ATP2B2: variants seen among roughly 807,000 people sequenced by gnomAD.
ATP2B2 encodes plasma membrane calcium-transporting ATPase 2.
In ATP2B2, 15 loss-of-function variants were observed where a neutral mutation model predicts 120.0. That is an observed-to-expected ratio of 0.12 (90% confidence interval 0.08 to 0.19). ATP2B2 has a LOEUF of 0.19. Among genes scored for constraint, ATP2B2 ranks in the 10% least tolerant of loss-of-function variants. ATP2B2 has a pLI of 1.00. For missense variants in ATP2B2, 1,045 were observed against 1,719.8 expected (o/e 0.61, Z 6.94); for synonymous variants, 694 against 700.3 (o/e 0.99, Z 0.14).
intron 2 of ATP2B2, among the ~76,000 whole-genome samples, chr3:10,425,412 T>C (rs2063117145): frequency 6.6e-6 from 1 of 152,200 alleles, no homozygotes; most frequent in Non-Finnish European, 1.5e-5. Context: ...TGTTTCCATA[T>C]AACCTTTGGA....
At chr3:10,493,944 A>G (rs1466677383) in intron 1 of ATP2B2, among the ~76,000 whole-genome samples, 2 of 152,242 alleles carry the variant, frequency 1.3e-5, no homozygotes, top group African/African-American at 4.8e-5. Context: ...TTCATATCAC[A>G]TGGCCACATT....
At chr3:10,697,980 C>T (rs1453534179) in intron 1 of ATP2B2, among the ~76,000 whole-genome samples, 3 of 152,202 alleles carry the variant, frequency 2.0e-5, no homozygotes, top group Non-Finnish European at 4.4e-5. Context: ...GCAGGAGAGT[C>T]AGCGTACAGT....
At chr3:10,581,296 G>C (rs976620463) in intron 2 of ATP2B2, among the ~76,000 whole-genome samples, 5 of 152,240 alleles carry the variant, frequency 3.3e-5, no homozygotes, top group Admixed American at 6.5e-5. Flanking sequence ...AATGGGGCCA[G>C]AGGAGCCCCA....
chr3:10,560,471 C>T (rs1251829422), intron 2 of ATP2B2, among the ~76,000 whole-genome samples: 3 of 132,304 alleles, frequency 2.3e-5, no homozygotes, highest in African/African-American at 8.8e-5. Flanking sequence ...ACTTCAAATG[C>T]CCCATAGCCC....
chr3:10,525,163 G>T (rs1026218252), intron 3 of ATP2B2, among the ~76,000 whole-genome samples: 1 of 152,166 alleles, frequency 6.6e-6, no homozygotes, highest in Admixed American at 6.5e-5. Flanking sequence ...TCCTGCAGAG[G>T]TGAGTCTGCT....
intron 1 of ATP2B2, among the ~76,000 whole-genome samples, chr3:10,471,507 G>A (rs188662170): frequency 6.6e-6 from 1 of 152,054 alleles, no homozygotes; most frequent in African/African-American, 2.4e-5. Flanking sequence ...ACGGGAGGAG[G>A]GGAAAGAGAA....
intron 2 of ATP2B2, among the ~76,000 whole-genome samples, chr3:10,534,354 G>A (rs1009582369): frequency 6.6e-6 from 1 of 152,240 alleles, no homozygotes; most frequent in Non-Finnish European, 1.5e-5. Context: ...AGGAGTGCAA[G>A]TCCACCTGCT....
chr3:10,561,075 A>G (rs2067893729), intron 2 of ATP2B2, among the ~76,000 whole-genome samples: 1 of 152,208 alleles, frequency 6.6e-6, no homozygotes, highest in Admixed American at 6.5e-5. Flanking sequence ...TTGTGCTCAC[A>G]TAGGGTTCTG....
At chr3:10,336,581 G>A (rs2060124119) in intron 22 of ATP2B2, among the ~76,000 whole-genome samples, 1 of 152,172 alleles carries the variant, frequency 6.6e-6, no homozygotes, top group African/African-American at 2.4e-5. Context: ...GGGGGAGGCA[G>A]TGATTAAACA....
At chr3:10,701,428 C>T (rs1313483037) in intron 1 of ATP2B2, among the ~76,000 whole-genome samples, 1 of 152,188 alleles carries the variant, frequency 6.6e-6, no homozygotes, top group Non-Finnish European at 1.5e-5. Context: ...TGACAGCCTA[C>T]CATGAGTTTC....
At chr3:10,591,508 T>A (rs969031694) in intron 2 of ATP2B2, among the ~76,000 whole-genome samples, 2 of 152,200 alleles carry the variant, frequency 1.3e-5, no homozygotes, top group African/African-American at 2.4e-5. Flanking sequence ...AAATCACCCC[T>A]CATGCTCCTC....
chr3:10,584,149 C>A (rs1301542047), intron 2 of ATP2B2, among the ~76,000 whole-genome samples: 1 of 151,942 alleles, frequency 6.6e-6, no homozygotes, highest in Non-Finnish European at 1.5e-5. Context: ...AGGAGCTGCC[C>A]AGGTGGAGAT....
intron 3 of ATP2B2, among the ~76,000 whole-genome samples, chr3:10,524,319 T>A (rs971761091): frequency 1.3e-5 from 2 of 152,240 alleles, no homozygotes; most frequent in African/African-American, 4.8e-5. Flanking sequence ...GGTACAATTC[T>A]AAGCACTATA....
intron 11 of ATP2B2, 49 bp from the exon 12 acceptor site, chr3:10,372,100 G>A: frequency 6.2e-7 from 1 of 1,613,834 alleles, no homozygotes; most frequent in East Asian, 2.2e-5. Context: ...AGGGGCTGGG[G>A]AGCATGGGGT....
At chr3:10,506,916 C>T (rs931661611), upstream of ATP2B2, among the ~76,000 whole-genome samples, 2 of 152,232 alleles carry the variant, frequency 1.3e-5, no homozygotes, top group Non-Finnish European at 2.9e-5. Flanking sequence ...TGAAAGTCTG[C>T]ACTGCACCAA....
intron 2 of ATP2B2, among the ~76,000 whole-genome samples, chr3:10,557,137 C>G (rs947359938): frequency 3.9e-5 from 6 of 152,202 alleles, no homozygotes; most frequent in Non-Finnish European, 8.8e-5. Flanking sequence ...TCTGGCCTCC[C>G]AGCCTTGGTC....
intron 1 of ATP2B2, among the ~76,000 whole-genome samples, chr3:10,457,307 G>A (rs1284877026): frequency 1.3e-5 from 2 of 152,158 alleles, no homozygotes; most frequent in Non-Finnish European, 2.9e-5. Flanking sequence ...CAAGATGAGT[G>A]TGGGTGTGCA....
intron 2 of ATP2B2, among the ~76,000 whole-genome samples, chr3:10,550,997 G>C (rs1057269553): frequency 6.6e-6 from 1 of 152,198 alleles, no homozygotes; most frequent in Non-Finnish European, 1.5e-5. Context: ...GATCAGGCAA[G>C]TTTGAGGCTC....
chr3:10,655,386 G>T, intron 1 of ATP2B2, among the ~76,000 whole-genome samples: 1 of 152,210 alleles, frequency 6.6e-6, no homozygotes, highest in African/African-American at 2.4e-5. Context: ...CCTCCCTCCA[G>T]ACCTGCTCAA....
Sources: gnomAD v4.1 joint callset for allele counts (sites outside exome capture counted in the v4.1 genomes callset) on GRCh38, gnomAD v4.1.1 for gene constraint, MANE v1.5 for transcripts, NCBI Gene and HGNC (gene_info 2026-07-23, HGNC 2026-07-21) for gene names.